OR4N2: variants seen among roughly 807,000 people sequenced by gnomAD.
The protein encoded by OR4N2 is olfactory receptor 4N2.
For synonymous variants in OR4N2, 141 were observed against 140.4 expected, an observed-to-expected ratio of 1.00 and a Z score of -0.03; for missense variants, 307 against 377.6, an observed-to-expected ratio of 0.81 and a Z score of 1.55.
chr14:19,821,359 C>T (rs1359748119), intron 1 of OR4N2, among the ~76,000 whole-genome samples: 1 of 152,220 alleles, frequency 6.6e-6, no homozygotes, highest in Non-Finnish European at 1.5e-5. Context: ...CTGGGAGTTG[C>T]AGACCAGAGT....
chr14:19,805,964 C>T (rs180690758), intron 1 of OR4N2, among the ~76,000 whole-genome samples: 4 of 152,250 alleles, frequency 2.6e-5, no homozygotes, highest in African/African-American at 7.2e-5. Flanking sequence ...AATTTCATAT[C>T]CCACCCAAAC....
At chr14:19,825,423 C>T (rs1326920241) in intron 1 of OR4N2, among the ~76,000 whole-genome samples, 3 of 152,192 alleles carry the variant, frequency 2.0e-5, no homozygotes, top group Non-Finnish European at 4.4e-5. Context: ...TCTTTCTTCC[C>T]TCATCCTATA....
At chr14:19,824,841 ACTGT>A (rs1363103343) in intron 1 of OR4N2, among the ~76,000 whole-genome samples, 99 of 152,354 alleles carry the variant, frequency 6.5e-4, no homozygotes, top group African/African-American at 2.2e-3. Context: ...TTGTTATTCA[ACTGT>A]CTATGTTACC....
At chr14:19,807,223 A>C (rs1265758412) in intron 1 of OR4N2, among the ~76,000 whole-genome samples, 1 of 152,050 alleles carries the variant, frequency 6.6e-6, no homozygotes, top group African/African-American at 2.4e-5. Flanking sequence ...AACAGATATA[A>C]CTACAAACAG....
rs146582745 is a variant in OR4N2, at chr14:19,825,908, G to C, written c.-9-1532G>C. ...ACACTGTTTAGTTAAATCATATTAA[G>C]AATATCCTTTTATATTACAGTTTGT... On this transcript the variant is annotated intron_variant, in intron 1 of 1. Transcript: ENST00000557677. Among the ~76,000 whole-genome samples the C allele has an allele frequency of 1.0e-3, 157 of 152,266 alleles. No individual in the cohort carries two copies. In the East Asian group the frequency reaches 0.027, roughly 27 times the overall value.
rs934400085 is a variant in OR4N2 at position 19,829,399 on chromosome 14, A to T, written c.*1027A>T. On this transcript the variant is annotated 3_prime_UTR_variant, in exon 2 of 2. Coordinates refer to ENST00000557677, the MANE Select transcript of OR4N2 (RefSeq NM_001004723.3). ...AACCATTCTAGCTATTTTAAACAAA[A>T]CATCATTTAATATCGAGAGTTAGGT... The T allele has an allele frequency of 6.6e-6, 1 of 152,260 alleles. No homozygotes were observed. Among genetic ancestry groups the T allele is most frequent in the African/African-American group, 2.4e-5 (1 of 41,468 alleles). 9.4% of individuals were successfully genotyped at this position (152,260 alleles called of 1,614,324 possible).
At chr14:19,816,666 CCTG>C (rs1879435444) in intron 1 of OR4N2, among the ~76,000 whole-genome samples, 1 of 152,220 alleles carries the variant, frequency 6.6e-6, no homozygotes, top group African/African-American at 2.4e-5. Context: ...TCCCTCTCTT[CCTG>C]TTTGAATACG....
intron 1 of OR4N2, among the ~76,000 whole-genome samples, chr14:19,822,739 T>A (rs1401542862): frequency 2.0e-5 from 3 of 152,268 alleles, no homozygotes; most frequent in Non-Finnish European, 2.9e-5. Flanking sequence ...TTAACTTTGG[T>A]TGAAGTGTAC....
At chr14:19,804,597 G>A (rs1879118161) in intron 1 of OR4N2, among the ~76,000 whole-genome samples, 1 of 152,184 alleles carries the variant, frequency 6.6e-6, no homozygotes. Context: ...TGAATTTGCT[G>A]AAAATTGTTT....
In OR4N2 at chr14:19,828,047, T is replaced by A; in HGVS notation, c.599T>A (p.Val200Asp). 6.2e-7 allele frequency: 1 copy of A among 1,614,250 alleles called. No homozygotes were observed. The highest frequency in any genetic ancestry group is 8.5e-7 in the Non-Finnish European group (1 of 1,180,038). ...ACATTTGTGGTGGAGCTTCTGATGG[T>A]CTTCAACAGTGGCCTGATGACACTC... ...TDTFVVELLMVFNSGLMTLLC... is the reference protein window; with the variant it reads ...TDTFVVELLMDFNSGLMTLLC... Residue 200 changes from valine (V) to aspartate (D), a missense_variant, in exon 2 of 2, where the codon GTC becomes GAC. Coordinates refer to ENST00000557677, the MANE Select transcript of OR4N2 (RefSeq NM_001004723.3).
intron 1 of OR4N2, among the ~76,000 whole-genome samples, chr14:19,826,588 G>T (rs565935286): frequency 5.8e-4 from 88 of 152,368 alleles, no homozygotes; most frequent in African/African-American, 2.0e-3. Flanking sequence ...TTTATGAGTT[G>T]AGATAATGAT....
rs3078143 is a variant in OR4N2, at chr14:19,812,329, C to CTTTTTTTTTTTTTTTTTTT, written c.-10+8500_-10+8501insTTTTTTTTTTTTTTTTTTT. ...TTTTTTTTTTCTTTTCTTTTCTTTTCTTTTTTTTTTTTTTTGAGACAGAGT... is the reference window on the plus strand; with the variant it reads ...TTTTTTTTTTCTTTTCTTTTCTTTTCTTTTTTTTTTTTTTTTTTTTTTTTTTTTTTTTTTGAGACAGAGT... On this transcript the variant is annotated intron_variant, in intron 1 of 1. Transcript: ENST00000557677. Among the ~76,000 whole-genome samples, 45 of 117,434 alleles carry CTTTTTTTTTTTTTTTTTTT rather than the reference C, an allele frequency of 3.8e-4. 1 individual carries two copies. The highest frequency in any genetic ancestry group is 1.0e-3 in the South Asian group (4 of 3,818). 77.0% of individuals were successfully genotyped at this position (117,434 alleles called of 152,430 possible). A position where few individuals can be genotyped will look rare whatever the true frequency, so the allele number is the denominator to read the frequency against.
chr14:19,811,567 A>G (rs1594394619), intron 1 of OR4N2, among the ~76,000 whole-genome samples: 2 of 152,404 alleles, frequency 1.3e-5, no homozygotes, highest in African/African-American at 4.8e-5. Context: ...TTTAAAACAA[A>G]GTATTAGCAA....
At chr14:19,812,333 T>TC (rs201483021) in intron 1 of OR4N2, among the ~76,000 whole-genome samples, 10,717 of 135,066 alleles carry the variant, frequency 0.079, 195 homozygotes, top group Middle Eastern at 0.19. Context: ...TCTTTTCTTT[T>TC]TTTTTTTTTT....
At chr14:19,817,814 TG>T (rs1402382345) in intron 1 of OR4N2, among the ~76,000 whole-genome samples, 14 of 152,280 alleles carry the variant, frequency 9.2e-5, no homozygotes, top group Non-Finnish European at 1.9e-4. Context: ...TGCTTTAAGC[TG>T]TTGGCATTTA....
At chr14:19,811,751 A>G (rs1277400403) in intron 1 of OR4N2, among the ~76,000 whole-genome samples, 1 of 152,280 alleles carries the variant, frequency 6.6e-6, no homozygotes, top group Non-Finnish European at 1.5e-5. Context: ...ACATCCATTC[A>G]TGTCTGTAAA....
rs1247837979 is a variant in OR4N2 at position 19,828,509 on chromosome 14, A to G, written c.*137A>G. 1.0e-5 allele frequency: 9 copies of G among 902,486 alleles called. No homozygotes were observed. Among genetic ancestry groups the G allele is most frequent in the South Asian group, 1.8e-5 (1 of 55,694 alleles). 55.9% of individuals were successfully genotyped at this position (902,486 alleles called of 1,614,324 possible). Reference sequence around the variant, plus strand: ...ATTCTGGGAACTGAAAAAAGAAATTACTGAGGCAGATAAGGTCCATCTGCT... The same window carrying G: ...ATTCTGGGAACTGAAAAAAGAAATTGCTGAGGCAGATAAGGTCCATCTGCT... On this transcript the variant is annotated 3_prime_UTR_variant, in exon 2 of 2. Transcript: ENST00000557677.
chr14:19,809,383 T>C (rs1389104972), intron 1 of OR4N2, among the ~76,000 whole-genome samples: 2 of 152,184 alleles, frequency 1.3e-5, no homozygotes, highest in Non-Finnish European at 2.9e-5. Context: ...AAAGAGCTTC[T>C]GCACAGCAAA....
In OR4N2 at chr14:19,827,858, A is replaced by G; in HGVS notation, c.410A>G (p.Asn137Ser). 1 of 1,614,112 alleles carries G rather than the reference A, an allele frequency of 6.2e-7. No homozygotes were observed. Among genetic ancestry groups the G allele is most frequent in the Non-Finnish European group, 8.5e-7 (1 of 1,180,016 alleles). ...CCTCTGCACTATCCTACTGTCATGA[A>G]CCCTAGAACCTGCTATGCAATGATG... ...CRPLHYPTVM[N>S]PRTCYAMMLA... Residue 137 changes from asparagine to serine, a missense_variant, in exon 2 of 2, where the codon AAC becomes AGC. Coordinates refer to ENST00000557677, the MANE Select transcript of OR4N2 (RefSeq NM_001004723.3).
Sources: allele counts gnomAD v4.1 joint callset (sites outside exome capture counted in the v4.1 genomes callset), GRCh38; gene constraint gnomAD v4.1.1; transcripts MANE v1.5; gene names NCBI Gene and HGNC (gene_info 2026-07-23, HGNC 2026-07-21).